Variants in ZNF131 observed in about 807,000 individuals in gnomAD.
ZNF131 encodes the protein zinc finger protein 131.
ZNF131 carries 7 observed loss-of-function variants against 60.0 expected under a neutral mutation model. The ratio of observed to expected loss-of-function variants is 0.12; its 90% CI spans 0.07 to 0.22. ZNF131 has a LOEUF of 0.22. Among genes scored for constraint, ZNF131 ranks in the 10% least tolerant of loss-of-function variants. The probability of loss-of-function intolerance (pLI) is 1.00; values close to 1 mark genes in which losing one functional copy is unlikely to be tolerated. For missense variants in ZNF131, 493 were observed against 740.9 expected (o/e 0.67, Z 3.88); for synonymous variants, 257 against 253.2 (o/e 1.01, Z -0.14).
intron 4 of ZNF131, among the ~76,000 whole-genome samples, chr5:43,144,860 G>C (rs1468234543): frequency 1.3e-5 from 2 of 151,542 alleles, no homozygotes; most frequent in African/African-American, 4.8e-5. Flanking sequence ...CCATCTGTCT[G>C]CTTGTTCATG....
chr5:43,167,637 T>C (rs1217831913), intron 5 of ZNF131, among the ~76,000 whole-genome samples: 1 of 152,218 alleles, frequency 6.6e-6, no homozygotes, highest in East Asian at 1.9e-4. Flanking sequence ...TCTGAATTTA[T>C]TTTTATTTGG....
intron 5 of ZNF131, among the ~76,000 whole-genome samples, chr5:43,164,405 G>A (rs929685302): frequency 1.3e-5 from 2 of 152,288 alleles, no homozygotes; most frequent in East Asian, 1.9e-4. Context: ...CTTAGAAAAC[G>A]AATAATAGTC....
rs190782605 is a variant in ZNF131, at chr5:43,158,370, A to G, written c.372-2879A>G. The stretch of plus-strand genomic sequence containing the variant: ...AATGGCACGATCTCGGTTCACCACA[A>G]CCTCCACCTCCTGGGTTCAAGTGAT... On this transcript the variant is annotated intron_variant, in intron 4 of 6. Transcript: ENST00000682664. Among the ~76,000 whole-genome samples the G allele has an allele frequency of 7.7e-3, 1,165 of 151,104 alleles. 13 individuals are homozygous for G. Among genetic ancestry groups the G allele is most frequent in the Non-Finnish European group, 0.012 (824 of 67,824 alleles).
chr5:43,144,237 C>CT lies in ZNF131; in HGVS notation c.371+4958dup, dbSNP rs935655531. ...GCGCCTGGCCTTTTTTTCTTTCTTTCTTTTTTTTTTTTTTTTTTTTTTTTT... is the reference window on the plus strand; with the variant it reads ...GCGCCTGGCCTTTTTTTCTTTCTTTCTTTTTTTTTTTTTTTTTTTTTTTTTT... On this transcript the variant is annotated intron_variant, in intron 4 of 6. Coordinates refer to ENST00000682664, the MANE Select transcript of ZNF131 (RefSeq NM_001330707.2). Among the ~76,000 whole-genome samples the CT allele has an allele frequency of 4.0e-4, 26 of 65,320 alleles. 1 individual carries two copies. Among genetic ancestry groups the CT allele is most frequent in the African/African-American group, 7.3e-4 (12 of 16,396 alleles). 42.9% of individuals were successfully genotyped at this position (65,320 alleles called of 152,430 possible).
chr5:43,146,002 G>A (rs1015054985), intron 4 of ZNF131, among the ~76,000 whole-genome samples: 2 of 152,176 alleles, frequency 1.3e-5, no homozygotes, highest in African/African-American at 2.4e-5. Flanking sequence ...TATTAATGGC[G>A]TAAATATTTG....
intron 5 of ZNF131, among the ~76,000 whole-genome samples, chr5:43,163,872 G>C (rs1373031725): frequency 2.0e-5 from 3 of 152,162 alleles, no homozygotes; most frequent in Non-Finnish European, 4.4e-5. Flanking sequence ...AAATAGGTTT[G>C]TCACTGTCAG....
Position 43,122,081 on chromosome 5 carries a change from C to T in ZNF131, c.28C>T (p.Leu10Phe), listed in dbSNP as rs769540425. 3 of 1,613,954 alleles carry T rather than the reference C, an allele frequency of 1.9e-6. No individual in the cohort carries two copies. The highest frequency in any genetic ancestry group is 1.1e-5 in the South Asian group (1 of 91,078). Residue 10 changes from leucine (L) to phenylalanine (F), a missense_variant, in exon 2 of 7, where the codon CTT becomes TTT. Leu to Phe is a conservative substitution (Grantham distance 22, BLOSUM62 0). Coordinates refer to ENST00000682664, the MANE Select transcript of ZNF131 (RefSeq NM_001330707.2). ...GGAGGCTGAAGAGACGATGGAATGC[C>T]TTCAGGAGTTCCCTGAACATCATAA... MEAEETMEC[L>F]QEFPEHHKMI...
At chr5:43,140,221 G>T (rs963072705) in intron 4 of ZNF131, among the ~76,000 whole-genome samples, 2 of 152,096 alleles carry the variant, frequency 1.3e-5, no homozygotes, top group African/African-American at 4.8e-5. Flanking sequence ...GTGAGACCCT[G>T]TTTTTTTAAA....
At chr5:43,169,640 A>G (rs182716098) in intron 5 of ZNF131, among the ~76,000 whole-genome samples, 21 of 152,330 alleles carry the variant, frequency 1.4e-4, no homozygotes, top group Admixed American at 1.3e-3. Context: ...TGGGTATATC[A>G]TCAACTACTA....
intron 3 of ZNF131, among the ~76,000 whole-genome samples, chr5:43,128,620 G>T (rs185515300): frequency 0.19 from 26,267 of 136,734 alleles, 2,740 homozygotes; most frequent in Middle Eastern, 0.4. Context: ...TGGCGCCACT[G>T]CACTCCAGCC....
Position 43,122,164 on chromosome 5 carries a change from C to T in ZNF131, c.111C>T (p.Thr37=), listed in dbSNP as rs775802733. ...QREQDRFTDI[T]LIVDGHHFKA... ...AGCAGGACCGGTTTACTGACATCACCCTAATTGTCGACGGTGGGTAGGGCA... is the reference window on the plus strand; with the variant it reads ...AGCAGGACCGGTTTACTGACATCACTCTAATTGTCGACGGTGGGTAGGGCA... Residue 37 remains threonine, a synonymous_variant, in exon 2 of 7, where the codon ACC becomes ACT. Coordinates refer to ENST00000682664, the MANE Select transcript of ZNF131 (RefSeq NM_001330707.2). 3 of 1,613,786 alleles carry T rather than the reference C, an allele frequency of 1.9e-6. No individual in the cohort carries two copies. The highest frequency in any genetic ancestry group is 3.3e-5 in the Admixed American group (2 of 59,994).
At chr5:43,139,952 A>G (rs1746590479) in intron 4 of ZNF131, among the ~76,000 whole-genome samples, 1 of 152,208 alleles carries the variant, frequency 6.6e-6, no homozygotes, top group Admixed American at 6.5e-5. Context: ...CCAGTGGATT[A>G]CGCCTGTAAT....
At chr5:43,128,966 CTG>C (rs1744954983) in intron 3 of ZNF131, among the ~76,000 whole-genome samples, 2 of 152,222 alleles carry the variant, frequency 1.3e-5, no homozygotes, top group Admixed American at 1.3e-4. Context: ...GAGTCTCACT[CTG>C]TTGCCCAGGT....
In ZNF131 at chr5:43,175,315, G is replaced by T; in HGVS notation, c.*182G>T. On this transcript the variant is annotated 3_prime_UTR_variant, in exon 7 of 7. Coordinates refer to ENST00000682664, the MANE Select transcript of ZNF131 (RefSeq NM_001330707.2). ...CCTCCCCCTACTTATTGCCACAGAGGAGGGATCTTTTCCATAACTGAAGGG... is the reference window on the plus strand; with the variant it reads ...CCTCCCCCTACTTATTGCCACAGAGTAGGGATCTTTTCCATAACTGAAGGG... 1.4e-6 allele frequency: 1 copy of T among 706,234 alleles called. No individual in the cohort carries two copies. Among genetic ancestry groups the T allele is most frequent in the Non-Finnish European group, 2.4e-6 (1 of 413,338 alleles). 43.7% of individuals were successfully genotyped at this position (706,234 alleles called of 1,614,324 possible).
chr5:43,165,694 A>G (rs1750261269), intron 5 of ZNF131, among the ~76,000 whole-genome samples: 3 of 152,176 alleles, frequency 2.0e-5, no homozygotes, highest in African/African-American at 7.2e-5. Context: ...GGACCCTAGG[A>G]TTTTTGGAGT....
intron 3 of ZNF131, among the ~76,000 whole-genome samples, chr5:43,136,748 A>T (rs1460655339): frequency 6.6e-6 from 1 of 150,572 alleles, no homozygotes; most frequent in Non-Finnish European, 1.5e-5. Context: ...TGGCCTCCCA[A>T]GGTGCTGGGA....
intron 4 of ZNF131, among the ~76,000 whole-genome samples, chr5:43,148,635 C>T (rs1054428240): frequency 6.6e-6 from 1 of 152,152 alleles, no homozygotes; most frequent in South Asian, 2.1e-4. Flanking sequence ...TTTAATAAAA[C>T]GTTGACATAA....
intron 4 of ZNF131, among the ~76,000 whole-genome samples, chr5:43,156,226 C>G (rs1475986179): frequency 6.6e-6 from 1 of 152,204 alleles, no homozygotes; most frequent in Non-Finnish European, 1.5e-5. Flanking sequence ...CAAACCCCAT[C>G]AGTTAAAAAA....
At position 43,143,828 on chromosome 5, in the gene ZNF131, TC is replaced by T. The variant is rs200289668; in HGVS notation, c.371+4520del. On this transcript the variant is annotated intron_variant, in intron 4 of 6. Transcript: ENST00000682664. ...CAGATAGAGATGAGAGTTGCTAAGG[TC>T]TTTCCTGGACATGTATACAGCTCTG... Among the ~76,000 whole-genome samples, 514 of 150,538 alleles carry T rather than the reference TC, an allele frequency of 3.4e-3. 5 individuals are homozygous for T. Among genetic ancestry groups the T allele is most frequent in the African/African-American group, 0.012 (494 of 40,996 alleles).
Sources: gnomAD v4.1 joint callset for allele counts (sites outside exome capture counted in the v4.1 genomes callset) on GRCh38, gnomAD v4.1.1 for gene constraint, MANE v1.5 for transcripts, NCBI Gene and HGNC (gene_info 2026-07-23, HGNC 2026-07-21) for gene names.